The following ITPR2 variants were observed in gnomAD, a reference collection of about 807,000 sequenced individuals.
The protein encoded by ITPR2 is inositol 1,4,5-trisphosphate receptor type 2.
In ITPR2, 207 loss-of-function variants were observed where a neutral mutation model predicts 317.1. The ratio of observed to expected loss-of-function variants is 0.65; its 90% CI spans 0.58 to 0.73. ITPR2 has a LOEUF of 0.73. Among genes scored for constraint, ITPR2 ranks in the 30% least tolerant of loss-of-function variants. ITPR2 has a pLI of 0.00. For missense variants in ITPR2, 2,613 were observed against 3,284.0 expected (o/e 0.80, Z 4.99); for synonymous variants, 1,156 against 1,149.1 (o/e 1.01, Z -0.12).
At chr12:26,751,648 C>T (rs1196163728) in intron 2 of ITPR2, among the ~76,000 whole-genome samples, 1 of 152,112 alleles carries the variant, frequency 6.6e-6, no homozygotes, top group Non-Finnish European at 1.5e-5. Flanking sequence ...GGGGGCGGAT[C>T]ACAAGGTCAG....
At chr12:26,808,906 T>C (rs1026498548) in intron 1 of ITPR2, among the ~76,000 whole-genome samples, 1 of 152,232 alleles carries the variant, frequency 6.6e-6, no homozygotes, top group Non-Finnish European at 1.5e-5. Flanking sequence ...TTACAATACG[T>C]TATGAGGTTA....
At chr12:26,533,557 C>T (rs1173318884) in intron 37 of ITPR2, among the ~76,000 whole-genome samples, 1 of 152,094 alleles carries the variant, frequency 6.6e-6, no homozygotes. Flanking sequence ...TAGAATATAA[C>T]CATATTCAGA....
rs1475130411 is a variant in ITPR2 at position 26,580,013 on chromosome 12, A to C, written c.4509+14T>G. ...ACTCTTTGCAACAGAATGCTTTGCA[A>C]TTGTTTAACTTACCTGGAGGCTGGT... On this transcript the variant is annotated intron_variant, in intron 33 of 56. Transcript: ENST00000381340. 6.2e-7 allele frequency: 1 copy of C among 1,603,174 alleles called. No homozygotes were observed.
At chr12:26,787,059 A>C (rs1297122283) in intron 2 of ITPR2, among the ~76,000 whole-genome samples, 2 of 152,224 alleles carry the variant, frequency 1.3e-5, no homozygotes, top group Non-Finnish European at 2.9e-5. Context: ...GAATGGCCTA[A>C]GGCAAGAGCC....
chr12:26,567,981 T>C (rs1244244939), intron 34 of ITPR2, among the ~76,000 whole-genome samples: 4 of 3,826 alleles, frequency 1.0e-3, no homozygotes, highest in African/African-American at 2.4e-3. Flanking sequence ...ATATATATTA[T>C]ATATATATAT....
chr12:26,418,557 C>G (rs1350858491), intron 50 of ITPR2, among the ~76,000 whole-genome samples: 1 of 152,094 alleles, frequency 6.6e-6, no homozygotes, highest in Non-Finnish European at 1.5e-5. Flanking sequence ...AAACCAAAAA[C>G]TATAAGACTG....
chr12:26,481,363 C>T (rs1942541811), intron 42 of ITPR2, 122 bp from the exon 43 acceptor site: 1 of 596,490 alleles, frequency 1.7e-6, no homozygotes, highest in East Asian at 2.9e-5. Context: ...GTAAGATTTA[C>T]CTTTGAGCAT....
intron 37 of ITPR2, among the ~76,000 whole-genome samples, chr12:26,545,283 ACCAGATTAT>A (rs1944367765): frequency 6.6e-6 from 1 of 152,082 alleles, no homozygotes. Context: ...GGAAAATTAT[ACCAGATTAT>A]CCAGGTGGTT....
At chr12:26,345,777 T>C (rs1938289087) in intron 55 of ITPR2, among the ~76,000 whole-genome samples, 1 of 152,244 alleles carries the variant, frequency 6.6e-6, no homozygotes, top group Admixed American at 6.5e-5. Flanking sequence ...GACTTTAACC[T>C]AAGCCAGAAC....
At chr12:26,523,679 C>A (rs1943728568) in intron 37 of ITPR2, among the ~76,000 whole-genome samples, 1 of 152,124 alleles carries the variant, frequency 6.6e-6, no homozygotes, top group South Asian at 2.1e-4. Context: ...ATACATAATG[C>A]AAATATCCTT....
At chr12:26,778,445 A>C (rs1049160105) in intron 2 of ITPR2, among the ~76,000 whole-genome samples, 1 of 152,202 alleles carries the variant, frequency 6.6e-6, no homozygotes, top group African/African-American at 2.4e-5. Flanking sequence ...CTGCTGTACC[A>C]GATGTGGTTT....
chr12:26,477,417 G>T (rs1439213876), intron 43 of ITPR2, among the ~76,000 whole-genome samples: 1 of 151,866 alleles, frequency 6.6e-6, no homozygotes, highest in African/African-American at 2.4e-5. Context: ...AAAGAATTTA[G>T]CACAATTGTT....
intron 2 of ITPR2, among the ~76,000 whole-genome samples, chr12:26,755,720 G>C: frequency 6.6e-6 from 1 of 152,212 alleles, no homozygotes; most frequent in East Asian, 1.9e-4. Context: ...GAAGAAACCG[G>C]TTATTTTACC....
chr12:26,367,408 C>A (rs1292354206), intron 55 of ITPR2, among the ~76,000 whole-genome samples: 1 of 152,010 alleles, frequency 6.6e-6, no homozygotes, highest in Non-Finnish European at 1.5e-5. Flanking sequence ...TTCCACATAC[C>A]CTATATTTTT....
At chr12:26,522,845 G>T (rs2136942491) in intron 37 of ITPR2, among the ~76,000 whole-genome samples, 1 of 152,334 alleles carries the variant, frequency 6.6e-6, no homozygotes, top group Middle Eastern at 3.4e-3. Flanking sequence ...CCACGGCGGG[G>T]GGGGAACCCC....
At chr12:26,448,338 C>T (rs1941660268) in intron 45 of ITPR2, among the ~76,000 whole-genome samples, 1 of 150,500 alleles carries the variant, frequency 6.6e-6, no homozygotes, top group Admixed American at 6.7e-5. Context: ...ATTTGGGCAA[C>T]TGCATTGAAT....
chr12:26,378,069 T>C (rs1381651086), intron 55 of ITPR2, among the ~76,000 whole-genome samples: 2 of 152,106 alleles, frequency 1.3e-5, no homozygotes, highest in African/African-American at 2.4e-5. Context: ...GCCTACTATA[T>C]ACTGGGCATT....
rs57642539 is a variant in ITPR2, at chr12:26,451,365, T to TCACACACACACACACACACA, written c.6343-7735_6343-7716dup. On this transcript the variant is annotated intron_variant, in intron 45 of 56. Transcript: ENST00000381340. ...GATCTCAAGACAGCTTTCTCTCATA[T>TCACACACACACACACACACA]CACACACACACACACACACACACAC... Among the ~76,000 whole-genome samples, 63 of 136,408 alleles carry TCACACACACACACACACACA rather than the reference T, an allele frequency of 4.6e-4. 2 individuals carry two copies. The highest frequency in any genetic ancestry group is 1.2e-3 in the South Asian group (5 of 4,016). The allele number at this position is 136,408 out of a possible 152,430, so 89.5% of individuals were successfully genotyped here. A position where few individuals can be genotyped will look rare whatever the true frequency, so the allele number is the denominator to read the frequency against.
At chr12:26,492,892 G>GAT in intron 39 of ITPR2, among the ~76,000 whole-genome samples, 1 of 106,674 alleles carries the variant, frequency 9.4e-6, no homozygotes, top group Non-Finnish European at 2.1e-5. Context: ...ATCATTGCAC[G>GAT]ATATGTGTGT....
Sources: allele counts gnomAD v4.1 joint callset (sites outside exome capture counted in the v4.1 genomes callset), GRCh38; gene constraint gnomAD v4.1.1; transcripts MANE v1.5; gene names NCBI Gene and HGNC (gene_info 2026-07-23, HGNC 2026-07-21).